The following CNTNAP2 variants were observed in gnomAD, a reference collection of about 807,000 sequenced individuals.
CNTNAP2 encodes the protein contactin-associated protein-like 2.
CNTNAP2 carries 98 observed loss-of-function variants against 155.2 expected under a neutral mutation model. The observed-to-expected ratio is 0.63, with a 90% CI of 0.54 to 0.75. The LOEUF (loss-of-function observed/expected upper bound fraction) is 0.75, where lower values mean the gene tolerates loss of function less well. Among genes scored for constraint, CNTNAP2 ranks in the 30% least tolerant of loss-of-function variants. The probability of loss-of-function intolerance (pLI) is 0.00; values close to 1 mark genes in which losing one functional copy is unlikely to be tolerated. For missense variants in CNTNAP2, 1,727 were observed against 1,688.1 expected (o/e 1.02, Z -0.40); for synonymous variants, 651 against 631.2 (o/e 1.03, Z -0.47).
chr7:146,467,341 T>C (rs1377113949), intron 1 of CNTNAP2, among the ~76,000 whole-genome samples: 1 of 152,160 alleles, frequency 6.6e-6, no homozygotes, highest in East Asian at 1.9e-4. Flanking sequence ...TTTCAGTATC[T>C]CTAAGTAATT....
intron 13 of CNTNAP2, among the ~76,000 whole-genome samples, chr7:147,793,559 C>T (rs1017339597): frequency 2.6e-5 from 4 of 152,022 alleles, no homozygotes; most frequent in Non-Finnish European, 5.9e-5. Context: ...ACCACACTGC[C>T]TTGATTACTA....
chr7:147,433,937 T>C (rs1797506082), intron 10 of CNTNAP2, among the ~76,000 whole-genome samples: 1 of 152,226 alleles, frequency 6.6e-6, no homozygotes, highest in Non-Finnish European at 1.5e-5. Context: ...AGTGCTTTGT[T>C]GTCCTTTTAA....
At chr7:147,999,511 G>C (rs1235500407) in intron 15 of CNTNAP2, among the ~76,000 whole-genome samples, 1 of 152,186 alleles carries the variant, frequency 6.6e-6, no homozygotes, top group Non-Finnish European at 1.5e-5. Flanking sequence ...ATGACTGCTA[G>C]CTTTTCTGTT....
intron 15 of CNTNAP2, among the ~76,000 whole-genome samples, chr7:148,111,731 A>C (rs545053999): frequency 1.3e-5 from 2 of 152,228 alleles, no homozygotes; most frequent in African/African-American, 4.8e-5. Flanking sequence ...TCGTAAACAG[A>C]AAGCAGTTGC....
chr7:146,919,142 C>T (rs1309773122), intron 3 of CNTNAP2, among the ~76,000 whole-genome samples: 2 of 152,096 alleles, frequency 1.3e-5, no homozygotes, highest in Admixed American at 1.3e-4. Context: ...TTGGTGTCTT[C>T]TTGTTTAGCT....
At chr7:146,542,974 A>T in intron 1 of CNTNAP2, among the ~76,000 whole-genome samples, 1 of 151,934 alleles carries the variant, frequency 6.6e-6, no homozygotes, top group East Asian at 1.9e-4. Flanking sequence ...AATAAGAAGA[A>T]TAAATTCAAG....
chr7:147,894,118 C>G (rs1397268761), intron 13 of CNTNAP2: 1 of 152,166 alleles, frequency 6.6e-6, no homozygotes, highest in Non-Finnish European at 1.5e-5. Context: ...TTTTACCTTT[C>G]TTGTTATCTA....
chr7:146,489,665 C>T (rs377205059), intron 1 of CNTNAP2, among the ~76,000 whole-genome samples: 15 of 152,066 alleles, frequency 9.9e-5, no homozygotes, highest in East Asian at 9.7e-4. Context: ...CCATGTTCGG[C>T]GATTCCCAAG....
At chr7:148,296,404 AGGCATAGT>A (rs1797284863) in intron 21 of CNTNAP2, among the ~76,000 whole-genome samples, 1 of 151,654 alleles carries the variant, frequency 6.6e-6, no homozygotes, top group South Asian at 2.1e-4. Context: ...AAAATTATCC[AGGCATAGT>A]GGCATACGCC....
intron 1 of CNTNAP2, among the ~76,000 whole-genome samples, chr7:146,143,336 T>G (rs561022457): frequency 6.6e-6 from 1 of 152,324 alleles, no homozygotes; most frequent in African/African-American, 2.4e-5. Context: ...AATAATGGAT[T>G]GGACTTTGTT....
chr7:146,216,172 A>G (rs1294612079), intron 1 of CNTNAP2, among the ~76,000 whole-genome samples: 1 of 152,104 alleles, frequency 6.6e-6, no homozygotes, highest in Non-Finnish European at 1.5e-5. Context: ...GAAGGTGGCA[A>G]ATGAGTCTTC....
chr7:147,156,937 A>G (rs188190889), intron 8 of CNTNAP2, among the ~76,000 whole-genome samples: 1 of 152,232 alleles, frequency 6.6e-6, no homozygotes, highest in Non-Finnish European at 1.5e-5. Flanking sequence ...ACAAGAAAAG[A>G]AAATACTTGT....
At chr7:146,382,170 G>T (rs779595261) in intron 1 of CNTNAP2, among the ~76,000 whole-genome samples, 2 of 152,198 alleles carry the variant, frequency 1.3e-5, no homozygotes, top group Non-Finnish European at 2.9e-5. Context: ...TAGACTGAAA[G>T]AATATGAGGC....
intron 4 of CNTNAP2, among the ~76,000 whole-genome samples, chr7:147,084,661 A>G (rs1800232764): frequency 6.8e-6 from 1 of 147,384 alleles, no homozygotes; most frequent in Non-Finnish European, 1.5e-5. Context: ...CATATACTAT[A>G]TAATATATAG....
chr7:146,267,826 T>C (rs949348561), intron 1 of CNTNAP2, among the ~76,000 whole-genome samples: 2 of 152,188 alleles, frequency 1.3e-5, no homozygotes, highest in African/African-American at 4.8e-5. Context: ...ATAAATCCTC[T>C]AAACCAGATT....
At chr7:148,278,835 C>T (rs967066359) in intron 21 of CNTNAP2, among the ~76,000 whole-genome samples, 4 of 152,182 alleles carry the variant, frequency 2.6e-5, no homozygotes, top group African/African-American at 9.7e-5. Flanking sequence ...CCAGGAAAGT[C>T]GTCTTTGAGA....
chr7:147,416,344 A>G (rs544801436), intron 10 of CNTNAP2, among the ~76,000 whole-genome samples: 3 of 152,344 alleles, frequency 2.0e-5, no homozygotes, highest in African/African-American at 4.8e-5. Flanking sequence ...AGAAAGAGAA[A>G]TAAACCACAA....
Position 147,639,100 on chromosome 7 carries a change from C to T in CNTNAP2, c.1898-6C>T, listed in dbSNP as rs1256244961. 1.9e-6 allele frequency: 3 copies of T among 1,613,940 alleles called. 1 individual carries two copies. In the South Asian group the frequency reaches 3.3e-5, roughly 18 times the overall value. On this transcript the variant is annotated splice_region_variant and splice_polypyrimidine_tract_variant and intron_variant, in intron 12 of 23. Transcript: ENST00000361727. ...TCCAGGGTCCTGGTTGTTTTTCTCC[C>T]CACAGAGGACAAAGTGTGGACCATA... is the stretch of plus-strand genomic sequence containing the variant.
rs1412396732 is a variant in CNTNAP2, at chr7:147,176,859, ATAT to A, written c.1348+44354_1348+44356del. ...AATTATATATTATAATATATAATAG[ATAT>A]TATAGAATAATTATAATATATAATT... On this transcript the variant is annotated intron_variant, in intron 8 of 23. Coordinates refer to ENST00000361727, the MANE Select transcript of CNTNAP2 (RefSeq NM_014141.6). 1.9e-3 allele frequency among the ~76,000 whole-genome samples: 225 copies of A among 117,414 alleles called. 4 individuals carry two copies. The highest frequency in any genetic ancestry group is 8.9e-3 in the African/African-American group (209 of 23,438). 77.0% of individuals were successfully genotyped at this position (117,414 alleles called of 152,430 possible).
Sources: allele counts gnomAD v4.1 joint callset (sites outside exome capture counted in the v4.1 genomes callset), GRCh38; gene constraint gnomAD v4.1.1; transcripts MANE v1.5; gene names NCBI Gene and HGNC (gene_info 2026-07-23, HGNC 2026-07-21).